OSBPL10: variants seen among roughly 807,000 people sequenced by gnomAD.
OSBPL10 encodes the protein oxysterol binding protein like 10.
A neutral mutation model predicts 81.7 loss-of-function variants in OSBPL10; 49 were observed. That is an observed-to-expected ratio of 0.60 (90% CI 0.48 to 0.76). The LOEUF is 0.76. Ranked by LOEUF, OSBPL10 falls within the 30% of genes least tolerant of loss-of-function variation. The probability of loss-of-function intolerance (pLI) is 0.00; values close to 1 mark genes in which losing one functional copy is unlikely to be tolerated. For missense variants in OSBPL10, 923 were observed against 987.8 expected (o/e 0.93, Z 0.88); for synonymous variants, 419 against 383.6 (o/e 1.09, Z -1.08).
chr3:31,985,888 A>G (rs577554046), upstream of OSBPL10, among the ~76,000 whole-genome samples: 203 of 152,278 alleles, frequency 1.3e-3, no homozygotes, highest in African/African-American at 4.6e-3. Context: ...TACAGTTCTT[A>G]CTCCCATTTT....
intron 9 of OSBPL10, among the ~76,000 whole-genome samples, chr3:31,669,295 T>TA (rs371568218): frequency 8.6e-5 from 13 of 150,476 alleles, no homozygotes; most frequent in Non-Finnish European, 1.3e-4. Context: ...AAAAATTAAT[T>TA]AAAAAAAAAG....
intron 3 of OSBPL10, among the ~76,000 whole-genome samples, chr3:31,872,999 A>C (rs1451950507): frequency 2.0e-5 from 3 of 152,174 alleles, no homozygotes; most frequent in African/African-American, 7.2e-5. Context: ...ATTCTAGAAA[A>C]AGCAGAACTA....
upstream of OSBPL10, among the ~76,000 whole-genome samples, chr3:31,983,951 G>A (rs1474360993): frequency 6.6e-6 from 1 of 152,130 alleles, no homozygotes; most frequent in Non-Finnish European, 1.5e-5. Context: ...ACAATTGTAG[G>A]GCCAGCCAAG....
chr3:32,000,400 A>G (rs1699133612), intron 2 of OSBPL10, among the ~76,000 whole-genome samples: 1 of 152,158 alleles, frequency 6.6e-6, no homozygotes, highest in South Asian at 2.1e-4. Flanking sequence ...TCATAGCTAT[A>G]TGACCTCTCT....
intron 1 of OSBPL10, among the ~76,000 whole-genome samples, chr3:31,906,168 AC>A (rs1032562331): frequency 6.6e-6 from 1 of 151,934 alleles, no homozygotes; most frequent in Non-Finnish European, 1.5e-5. Flanking sequence ...CAAAAAACTA[AC>A]CCCTTTTCAC....
intron 4 of OSBPL10, among the ~76,000 whole-genome samples, chr3:31,779,826 G>GA (rs1698641684): frequency 6.6e-6 from 1 of 152,068 alleles, no homozygotes; most frequent in South Asian, 2.1e-4. Flanking sequence ...AGAAATTTAA[G>GA]AAAATCTAAA....
At chr3:32,003,666 C>T (rs1021865636) in intron 2 of OSBPL10, among the ~76,000 whole-genome samples, 1 of 152,084 alleles carries the variant, frequency 6.6e-6, no homozygotes, top group Non-Finnish European at 1.5e-5. Context: ...CTTCACTGGC[C>T]GAAACCAATC....
chr3:31,706,403 G>A (rs910470608), intron 6 of OSBPL10, among the ~76,000 whole-genome samples: 9 of 152,254 alleles, frequency 5.9e-5, no homozygotes, highest in African/African-American at 2.2e-4. Flanking sequence ...CTGCCCCTTC[G>A]CTGACCTCCA....
At chr3:31,807,831 T>A (rs1043496025) in intron 4 of OSBPL10, among the ~76,000 whole-genome samples, 14 of 152,034 alleles carry the variant, frequency 9.2e-5, no homozygotes, top group Admixed American at 4.6e-4. Flanking sequence ...GTGGCCAAAT[T>A]TAGAACCAAA....
intron 2 of OSBPL10, among the ~76,000 whole-genome samples, chr3:32,026,057 T>TAGATGATAGATAGATAGATAGATGATA (rs58717718): frequency 3.8e-4 from 42 of 111,330 alleles, no homozygotes; most frequent in African/African-American, 1.3e-3. Context: ...GATAGATAGA[T>TAGATGATAGATAGATAGATAGATGATA]GATAGATAGA....
intron 2 of OSBPL10, among the ~76,000 whole-genome samples, chr3:32,016,474 G>A (rs776624474): frequency 8.6e-5 from 13 of 152,036 alleles, no homozygotes; most frequent in Non-Finnish European, 1.3e-4. Flanking sequence ...GAGGGATAGC[G>A]TTAGGAGATA....
In OSBPL10 at chr3:31,768,864, C is replaced by T. The variant is rs559616774; in HGVS notation, c.730-20744G>A. ...TCACAAACAATTTCCTCAGCATTCA[C>T]ATTGGGTAGGTATTACCCCTTAAAG... On this transcript the variant is annotated intron_variant, in intron 4 of 11. Transcript: ENST00000396556. 4.6e-5 allele frequency among the ~76,000 whole-genome samples: 7 copies of T among 152,318 alleles called. No individual in the cohort carries two copies. In the East Asian group the frequency reaches 1.2e-3, roughly 25 times the overall value.
chr3:32,054,574 C>G (rs1015601328), intron 1 of OSBPL10, among the ~76,000 whole-genome samples: 1 of 127,424 alleles, frequency 7.8e-6, no homozygotes, highest in African/African-American at 2.8e-5. Context: ...CTCTGTCACC[C>G]AGGCTGGAGT....
At chr3:32,057,439 T>C (rs1426508707) in intron 1 of OSBPL10, among the ~76,000 whole-genome samples, 2 of 152,126 alleles carry the variant, frequency 1.3e-5, no homozygotes, top group Non-Finnish European at 2.9e-5. Flanking sequence ...TGAGACTGGG[T>C]AATTTATAAA....
chr3:31,965,311 A>G lies in OSBPL10; in HGVS notation c.281+15588T>C, dbSNP rs577438258. On this transcript the variant is annotated intron_variant, in intron 1 of 11. Coordinates refer to ENST00000396556, the MANE Select transcript of OSBPL10 (RefSeq NM_017784.5). Reference sequence around the variant, plus strand: ...CGTGAACCCAGGAGGCAGAGCTTGCAGGGAGCTGAGATCGCACTACTGCAC... The same window carrying G: ...CGTGAACCCAGGAGGCAGAGCTTGCGGGGAGCTGAGATCGCACTACTGCAC... 3.4e-4 allele frequency among the ~76,000 whole-genome samples: 50 copies of G among 145,992 alleles called. 2 individuals carry two copies. In the South Asian group the frequency reaches 0.01, roughly 30 times the overall value.
Position 32,026,061 on chromosome 3 carries a change from A to T in OSBPL10, n.298+20430T>A, listed in dbSNP as rs868837724. Among the ~76,000 whole-genome samples, 83 of 90,808 alleles carry T rather than the reference A, an allele frequency of 9.1e-4. 2 individuals are homozygous for T. Among genetic ancestry groups the T allele is most frequent in the Middle Eastern group, 6.3e-3 (1 of 160 alleles). 59.6% of individuals were successfully genotyped at this position (90,808 alleles called of 152,430 possible). A position where few individuals can be genotyped will look rare whatever the true frequency, so the allele number is the denominator to read the frequency against. On this transcript the variant is annotated intron_variant and non_coding_transcript_variant, in intron 2 of 3. Transcript: ENST00000479173. ...ATAGATAGATAGATAGATAGATGAT[A>T]GATAGATAGATAGATAGATAGATAG...
At chr3:32,050,646 A>G (rs1699662569) in intron 1 of OSBPL10, among the ~76,000 whole-genome samples, 1 of 144,948 alleles carries the variant, frequency 6.9e-6, no homozygotes, top group Admixed American at 7.6e-5. Context: ...GTCAGGTAAT[A>G]AGAGATACAA....
At chr3:32,016,493 G>GC in intron 2 of OSBPL10, among the ~76,000 whole-genome samples, 1 of 152,118 alleles carries the variant, frequency 6.6e-6, no homozygotes, top group East Asian at 1.9e-4. Context: ...TATACCTAAT[G>GC]TAAACGACAA....
chr3:32,013,903 A>T (rs372223374), intron 2 of OSBPL10, among the ~76,000 whole-genome samples: 2 of 152,132 alleles, frequency 1.3e-5, no homozygotes, highest in Non-Finnish European at 2.9e-5. Context: ...AGGAAGAAGT[A>T]GAATCTCTGA....
Sources: allele counts gnomAD v4.1 joint callset (sites outside exome capture counted in the v4.1 genomes callset), GRCh38; gene constraint gnomAD v4.1.1; transcripts MANE v1.5; gene names NCBI Gene and HGNC (gene_info 2026-07-23, HGNC 2026-07-21).